The following FBXL7 variants were observed in gnomAD, a reference collection of about 807,000 sequenced individuals.
FBXL7 encodes the protein F-box and leucine rich repeat protein 7.
In FBXL7, 12 loss-of-function variants were observed where a neutral mutation model predicts 38.3. The observed-to-expected ratio is 0.31, with a 90% CI of 0.20 to 0.51. FBXL7 has a LOEUF of 0.51. Among genes scored for constraint, FBXL7 ranks in the 20% least tolerant of loss-of-function variants. The pLI is 0.98. For synonymous variants in FBXL7, 297 were observed against 300.9 expected (o/e 0.99, Z 0.13); for missense variants, 567 against 676.4 (o/e 0.84, Z 1.79).
chr5:15,559,623 A>G (rs1738353231), intron 1 of FBXL7, among the ~76,000 whole-genome samples: 1 of 152,230 alleles, frequency 6.6e-6, no homozygotes, highest in African/African-American at 2.4e-5. Flanking sequence ...GGACAAAAAA[A>G]GTTATTTTGC....
chr5:15,902,936 G>T lies in FBXL7; in HGVS notation c.128-24954G>T, dbSNP rs187424266. On this transcript the variant is annotated intron_variant, in intron 2 of 3. Coordinates refer to ENST00000504595, the MANE Select transcript of FBXL7 (RefSeq NM_012304.5). The stretch of plus-strand genomic sequence containing the variant: ...AGGCAGTCAGAGCAGGGCAAGCCCC[G>T]TGGGACTGACTAGTGTCCAACCCAC... 3.4e-3 allele frequency among the ~76,000 whole-genome samples: 518 copies of T among 152,354 alleles called. 1 individual carries two copies. The highest frequency in any genetic ancestry group is 0.012 in the African/African-American group (488 of 41,582).
chr5:15,655,274 T>G lies in FBXL7; in HGVS notation c.127+39202T>G, dbSNP rs1454299798. ...ACTTTGAGAGGCCGTGGCGGGTGAA[T>G]CACTTGAGGTCAGGAGTTTGAGACC... is the stretch of plus-strand genomic sequence containing the variant. On this transcript the variant is annotated intron_variant, in intron 2 of 3. Coordinates refer to ENST00000504595, the MANE Select transcript of FBXL7 (RefSeq NM_012304.5). Among the ~76,000 whole-genome samples the G allele has an allele frequency of 5.3e-5, 8 of 152,154 alleles. No homozygotes were observed. The East Asian group carries it at 1.6e-3, about 29-fold the overall frequency.
intron 2 of FBXL7, among the ~76,000 whole-genome samples, chr5:15,708,039 C>T (rs962843622): frequency 1.3e-5 from 2 of 152,188 alleles, no homozygotes; most frequent in Non-Finnish European, 2.9e-5. Flanking sequence ...TGGCTGACAG[C>T]TATTTTTATT....
At chr5:15,897,056 C>G (rs1346413826) in intron 2 of FBXL7, among the ~76,000 whole-genome samples, 3 of 152,168 alleles carry the variant, frequency 2.0e-5, no homozygotes, top group Non-Finnish European at 1.5e-5. Flanking sequence ...ATCGCTTGAA[C>G]CTGGAAGCAG....
chr5:15,831,151 T>G (rs943231408), intron 2 of FBXL7, among the ~76,000 whole-genome samples: 1 of 152,196 alleles, frequency 6.6e-6, no homozygotes, highest in African/African-American at 2.4e-5. Flanking sequence ...GCAGCAGTCT[T>G]CTCAAACTGC....
chr5:15,913,269 A>C (rs1197019761), intron 2 of FBXL7, among the ~76,000 whole-genome samples: 37 of 136,554 alleles, frequency 2.7e-4, no homozygotes, highest in Admixed American at 7.2e-4. Flanking sequence ...TTTTTTATTA[A>C]TTTTTTTTTT....
At chr5:15,709,134 G>A (rs1743778954) in intron 2 of FBXL7, among the ~76,000 whole-genome samples, 1 of 152,142 alleles carries the variant, frequency 6.6e-6, no homozygotes, top group Non-Finnish European at 1.5e-5. Flanking sequence ...TTAAGATGCT[G>A]GGACCAAGGT....
At chr5:15,563,507 G>A (rs544966527) in intron 1 of FBXL7, among the ~76,000 whole-genome samples, 11 of 152,200 alleles carry the variant, frequency 7.2e-5, no homozygotes, top group African/African-American at 2.6e-4. Flanking sequence ...AACACTGGAG[G>A]TAGAGTCTAG....
intron 2 of FBXL7, among the ~76,000 whole-genome samples, chr5:15,726,877 C>T (rs996298654): frequency 1.3e-5 from 2 of 151,962 alleles, no homozygotes; most frequent in Non-Finnish European, 2.9e-5. Context: ...TTGTTTTCTA[C>T]ATGCCATATA....
chr5:15,865,387 A>G (rs1276090526), intron 2 of FBXL7, among the ~76,000 whole-genome samples: 1 of 152,226 alleles, frequency 6.6e-6, no homozygotes, highest in African/African-American at 2.4e-5. Flanking sequence ...ATTGGAGCTT[A>G]CCTGAATGTT....
chr5:15,832,077 G>C (rs1017249384), intron 2 of FBXL7, among the ~76,000 whole-genome samples: 1 of 152,126 alleles, frequency 6.6e-6, no homozygotes, highest in Non-Finnish European at 1.5e-5. Flanking sequence ...TCTGGTTAAT[G>C]GAACCTACAC....
At chr5:15,694,122 C>T (rs1457166439) in intron 2 of FBXL7, among the ~76,000 whole-genome samples, 3 of 152,116 alleles carry the variant, frequency 2.0e-5, no homozygotes, top group Non-Finnish European at 4.4e-5. Context: ...GCTGTGGGGT[C>T]GGAGCCCGTA....
At chr5:15,607,690 C>G (rs954571801) in intron 1 of FBXL7, among the ~76,000 whole-genome samples, 3 of 152,218 alleles carry the variant, frequency 2.0e-5, no homozygotes, top group African/African-American at 7.2e-5. Flanking sequence ...GGACATTCTT[C>G]TGCTAACATT....
At chr5:15,723,552 G>A (rs1010257060) in intron 2 of FBXL7, among the ~76,000 whole-genome samples, 1 of 152,184 alleles carries the variant, frequency 6.6e-6, no homozygotes, top group African/African-American at 2.4e-5. Flanking sequence ...CTGACATAGA[G>A]TTGAGAAAAG....
rs544433535 is a variant in FBXL7, at chr5:15,895,853, C to G, written c.128-32037C>G. On this transcript the variant is annotated intron_variant, in intron 2 of 3. Transcript: ENST00000504595. ...TAGAGACGGGGTTTCACTCTGTTAGCCAGGATGGTCTCAATCTCCTGACCT... is the reference window on the plus strand; with the variant it reads ...TAGAGACGGGGTTTCACTCTGTTAGGCAGGATGGTCTCAATCTCCTGACCT... Among the ~76,000 whole-genome samples, 7 of 151,522 alleles carry G rather than the reference C, an allele frequency of 4.6e-5. No homozygotes were observed. The East Asian group carries it at 1.4e-3, about 30-fold the overall frequency.
intron 2 of FBXL7, among the ~76,000 whole-genome samples, chr5:15,686,124 A>G (rs1743010547): frequency 6.6e-6 from 1 of 152,162 alleles, no homozygotes; most frequent in South Asian, 2.1e-4. Flanking sequence ...ACTGGATGCT[A>G]GTTCCAAATG....
intron 2 of FBXL7, among the ~76,000 whole-genome samples, chr5:15,668,368 T>G (rs986670729): frequency 2.8e-4 from 41 of 145,760 alleles, no homozygotes; most frequent in South Asian, 6.7e-4. Context: ...ATATTTGTGT[T>G]TGTGTGTGTG....
At chr5:15,882,016 C>A (rs1381453053) in intron 2 of FBXL7, among the ~76,000 whole-genome samples, 1 of 152,058 alleles carries the variant, frequency 6.6e-6, no homozygotes. Flanking sequence ...ATGGCTGGAG[C>A]AAGAGGAGGA....
chr5:15,906,530 T>A (rs1741371760), intron 2 of FBXL7, among the ~76,000 whole-genome samples: 1 of 148,710 alleles, frequency 6.7e-6, no homozygotes, highest in Non-Finnish European at 1.5e-5. Context: ...TTTTTTTTTA[T>A]TATACTCTAA....
Sources: allele counts gnomAD v4.1 joint callset (sites outside exome capture counted in the v4.1 genomes callset), GRCh38; gene constraint gnomAD v4.1.1; transcripts MANE v1.5; gene names NCBI Gene and HGNC (gene_info 2026-07-23, HGNC 2026-07-21).